The following ZNF536 variants were observed in gnomAD, a reference collection of about 807,000 sequenced individuals.
ZNF536 encodes the protein zinc finger protein 536.
In ZNF536, 13 loss-of-function variants were observed where a neutral mutation model predicts 84.5. That is an observed-to-expected ratio of 0.15 (90% confidence interval 0.10 to 0.24). ZNF536 has a LOEUF of 0.24. Ranked by LOEUF, ZNF536 falls within the 10% of genes least tolerant of loss-of-function variation. The pLI is 1.00. For missense variants in ZNF536, 1,536 were observed against 1,747.5 expected, an observed-to-expected ratio of 0.88 and a Z score of 2.16; for synonymous variants, 811 against 742.5, an observed-to-expected ratio of 1.09 and a Z score of -1.50.
rs34995610 is a variant in ZNF536, at chr19:30,569,559, C to CTTTTTTTTTTTTT, written c.169+20063_169+20075dup. On this transcript the variant is annotated intron_variant, in intron 1 of 1. Coordinates refer to the ZNF536 transcript ENST00000592773. ...ATGGAATCGAAGCCAGATAAACGTT[C>CTTTTTTTTTTTTT]TTTTTTTTTTTTTTTTTTTTTTTTT... 6.0e-3 allele frequency among the ~76,000 whole-genome samples: 331 copies of CTTTTTTTTTTTTT among 55,078 alleles called. 58 individuals carry two copies. The highest frequency in any genetic ancestry group is 0.013 in the East Asian group (14 of 1,106). The allele number at this position is 55,078 out of a possible 152,430, so 36.1% of individuals were successfully genotyped here.
chr19:30,616,202 A>G (rs768204092), intron 1 of ZNF536, among the ~76,000 whole-genome samples: 11 of 152,180 alleles, frequency 7.2e-5, no homozygotes, highest in Admixed American at 1.3e-4. Context: ...AATGACTAAT[A>G]TATTTGAGAG....
chr19:30,690,517 T>C (rs1324265460), intron 1 of ZNF536, among the ~76,000 whole-genome samples: 1 of 152,288 alleles, frequency 6.6e-6, no homozygotes, highest in Non-Finnish European at 1.5e-5. Context: ...ATTTGCAAAG[T>C]AGATATTTGT....
At chr19:30,383,765 T>TG (rs2049155479) in intron 1 of ZNF536, among the ~76,000 whole-genome samples, 1 of 64,058 alleles carries the variant, frequency 1.6e-5, no homozygotes, top group Non-Finnish European at 4.2e-5. Flanking sequence ...TTCTCTTTCT[T>TG]TCTTTCTTTT....
intron 1 of ZNF536, among the ~76,000 whole-genome samples, chr19:30,377,676 T>C (rs2048870564): frequency 6.6e-6 from 1 of 152,208 alleles, no homozygotes; most frequent in Non-Finnish European, 1.5e-5. Flanking sequence ...TACTATATTT[T>C]GCAAGAATTG....
chr19:30,324,344 A>G (rs1427455915), intron 2 of ZNF536, among the ~76,000 whole-genome samples: 1 of 152,174 alleles, frequency 6.6e-6, no homozygotes, highest in Admixed American at 6.5e-5. Context: ...GGGAATCTGC[A>G]TGGTGCAAAG....
intron 2 of ZNF536, among the ~76,000 whole-genome samples, chr19:30,291,225 A>G (rs1024862859): frequency 6.6e-6 from 1 of 152,214 alleles, no homozygotes; most frequent in African/African-American, 2.4e-5. Flanking sequence ...GCTGGGTTAA[A>G]TGGTATTTCT....
At chr19:30,400,354 A>G (rs924095147) in intron 1 of ZNF536, among the ~76,000 whole-genome samples, 2 of 152,216 alleles carry the variant, frequency 1.3e-5, no homozygotes, top group Non-Finnish European at 2.9e-5. Flanking sequence ...CCAGCAATGC[A>G]TGAGAGATCA....
intron 1 of ZNF536, among the ~76,000 whole-genome samples, chr19:30,283,904 T>A (rs2045541780): frequency 6.6e-6 from 1 of 152,216 alleles, no homozygotes; most frequent in African/African-American, 2.4e-5. Flanking sequence ...GGTCACATAG[T>A]TCCCATTTTT....
rs2148144862 is a variant in ZNF536 at position 30,443,584 on chromosome 19, C to T, written c.22C>T (p.Leu8Phe). The change falls in exon 2 of 5, where the codon CTT becomes TTT. Residue 8 changes from leucine (L) to phenylalanine (F), a missense_variant. Transcript: ENST00000355537. ...AGGGATGGAAGAAGCGAGCCTGTGC[C>T]TTGGAGTGTCTTCGGCGGAGCCGGA... MEEASLCLGVSSAEPEAE... is the reference protein window; with the variant it reads MEEASLCFGVSSAEPEAE... 2 of 1,569,862 alleles carry T rather than the reference C, an allele frequency of 1.3e-6. No homozygotes were observed. The highest frequency in any genetic ancestry group is 1.4e-5 in the African/African-American group (1 of 73,482).
chr19:30,536,360 C>T (rs1599727670), intron 3 of ZNF536, among the ~76,000 whole-genome samples: 1 of 152,228 alleles, frequency 6.6e-6, no homozygotes, highest in African/African-American at 2.4e-5. Context: ...GGAGAGGCTG[C>T]CCCTGACTAT....
intron 2 of ZNF536, among the ~76,000 whole-genome samples, chr19:30,526,351 C>T (rs1348868042): frequency 4.6e-5 from 7 of 152,228 alleles, no homozygotes; most frequent in Non-Finnish European, 1.0e-4. Context: ...ACAGCAGCAT[C>T]ACATGGTGCC....
In ZNF536 at chr19:30,454,683, C is replaced by A. The variant is rs116683787; in HGVS notation, c.2170+8951C>A. Among the ~76,000 whole-genome samples, 675 of 152,242 alleles carry A rather than the reference C, an allele frequency of 4.4e-3. 6 individuals are homozygous for A. Among genetic ancestry groups the A allele is most frequent in the African/African-American group, 0.015 (640 of 41,522 alleles). On this transcript the variant is annotated intron_variant, in intron 2 of 4. Coordinates refer to ENST00000355537, the MANE Select transcript of ZNF536 (RefSeq NM_014717.3). ...GAGAAGGCTTGGCAGTGTTCATGTC[C>A]GTCTCTGGCTGGGGCCAGACCCCTC...
chr19:30,400,744 T>G (rs2050013147), intron 1 of ZNF536, among the ~76,000 whole-genome samples: 1 of 152,176 alleles, frequency 6.6e-6, no homozygotes, highest in African/African-American at 2.4e-5. Flanking sequence ...GAGTTCTTTC[T>G]ACATATTAGA....
intron 1 of ZNF536, among the ~76,000 whole-genome samples, chr19:30,692,327 AT>A (rs1344741031): frequency 3.3e-5 from 5 of 152,098 alleles, no homozygotes; most frequent in Admixed American, 6.6e-5. Flanking sequence ...AATTAATCAA[AT>A]TTTTTTCCCC....
At chr19:30,356,438 C>A (rs781279787) in intron 3 of ZNF536, among the ~76,000 whole-genome samples, 8 of 152,238 alleles carry the variant, frequency 5.3e-5, no homozygotes, top group Non-Finnish European at 8.8e-5. Context: ...AACATCCTTC[C>A]TGCAGCAGTA....
chr19:30,404,614 C>T (rs1600588863), intron 1 of ZNF536, among the ~76,000 whole-genome samples: 2 of 152,328 alleles, frequency 1.3e-5, no homozygotes, highest in Admixed American at 6.5e-5. Context: ...GGAAGTACCA[C>T]GTTAGTTACC....
Position 30,548,583 on chromosome 19 carries a change from G to T in ZNF536, c.2964G>T (p.Pro988=), listed in dbSNP as rs142744560. ...LSVRPDAASL[P]GSSVTVQDSI... ...TGCGGCCAGATGCCGCCTCCCTCCC[G>T]GGCTCCTCGGTAACTGTGCAGGACA... The change falls in exon 4 of 5, where the codon CCG becomes CCT. Residue 988 remains proline (P), a synonymous_variant. Coordinates refer to ENST00000355537, the MANE Select transcript of ZNF536 (RefSeq NM_014717.3). 3 of 1,614,090 alleles carry T rather than the reference G, an allele frequency of 1.9e-6. No individual in the cohort carries two copies. The highest frequency in any genetic ancestry group is 2.2e-5 in the South Asian group (2 of 91,074).
exon 2 of ZNF536, chr19:30,711,552 A>G (rs944335001): frequency 6.6e-6 from 1 of 152,110 alleles, no homozygotes; most frequent in Non-Finnish European, 1.5e-5. Flanking sequence ...TTGTAACTGC[A>G]CTCTTGGAGA....
intron 1 of ZNF536, among the ~76,000 whole-genome samples, chr19:30,279,295 C>G (rs527603018): frequency 6.6e-6 from 1 of 152,174 alleles, no homozygotes; most frequent in Non-Finnish European, 1.5e-5. Flanking sequence ...CAGGTGGACA[C>G]GATGTTTATC....
Sources: allele counts gnomAD v4.1 joint callset (sites outside exome capture counted in the v4.1 genomes callset), GRCh38; gene constraint gnomAD v4.1.1; transcripts MANE v1.5; gene names NCBI Gene and HGNC (gene_info 2026-07-23, HGNC 2026-07-21).